The following PADI2 variants were observed in gnomAD, a reference collection of about 807,000 sequenced individuals.
PADI2 encodes the protein protein-arginine deiminase type-2.
In PADI2, 70 loss-of-function variants were observed where a neutral mutation model predicts 81.1. That is an observed-to-expected ratio of 0.86 (90% CI 0.71 to 1.05). The LOEUF (loss-of-function observed/expected upper bound fraction) is 1.05, where lower values mean the gene tolerates loss of function less well. Ranked by LOEUF, PADI2 falls within the 50% of genes least tolerant of loss-of-function variation. PADI2 has a pLI of 0.00. For synonymous variants in PADI2, 338 were observed against 358.0 expected, an observed-to-expected ratio of 0.94 and a Z score of 0.63; for missense variants, 853 against 889.9, an observed-to-expected ratio of 0.96 and a Z score of 0.53.
In PADI2 at chr1:17,070,125, T is replaced by A. The variant is rs2078254784; in HGVS notation, c.1727A>T (p.Asp576Val). 6.2e-7 allele frequency: 1 copy of A among 1,613,902 alleles called. No homozygotes were observed. Among genetic ancestry groups the A allele is most frequent in the Admixed American group, 1.7e-5 (1 of 59,984 alleles). The change falls in exon 15 of 16, where the codon GAC becomes GTC. Residue 576 changes from aspartate to valine, a missense_variant. Asp to Val is a radical substitution (Grantham distance 152, BLOSUM62 -3). Coordinates refer to ENST00000375486, the MANE Select transcript of PADI2 (RefSeq NM_007365.3). Reference sequence around the variant, plus strand: ...GAAGGCTCTGGCACGGTGGTCCTCGTCCATCTTGAACAGAGCGGGCAGGTC... The same window carrying A: ...GAAGGCTCTGGCACGGTGGTCCTCGACCATCTTGAACAGAGCGGGCAGGTC... ...IIDLPALFKMDEDHRARAFFP... is the reference protein window; with the variant it reads ...IIDLPALFKMVEDHRARAFFP...
intron 6 of PADI2, among the ~76,000 whole-genome samples, chr1:17,090,826 G>A (rs984756995): frequency 2.6e-4 from 39 of 152,002 alleles, no homozygotes; most frequent in African/African-American, 9.2e-4. Flanking sequence ...GATGAGGAGG[G>A]ATGAGATTAT....
intron 7 of PADI2, among the ~76,000 whole-genome samples, chr1:17,085,458 A>G (rs1335818840): frequency 1.3e-5 from 2 of 152,140 alleles, no homozygotes; most frequent in Non-Finnish European, 2.9e-5. Flanking sequence ...GGGTGCCATA[A>G]GAAGCCCCAT....
chr1:17,115,609 A>C lies in PADI2; in HGVS notation c.92+3671T>G, dbSNP rs890690084. Among the ~76,000 whole-genome samples, 1 of 152,202 alleles carries C rather than the reference A, an allele frequency of 6.6e-6. No homozygotes were observed. Among genetic ancestry groups the C allele is most frequent in the African/African-American group, 2.4e-5 (1 of 41,444 alleles). ...GGGAGTGTCCATGCCTCCAGGGCTC[A>C]CAAGAGGTGGGTGGCCAGGATGGAA... On this transcript the variant is annotated intron_variant, in intron 1 of 15. Transcript: ENST00000375486. The surrounding 1 kb of genome is among the most constrained non-coding windows in gnomAD (Gnocchi z 4.1).
intron 6 of PADI2, among the ~76,000 whole-genome samples, chr1:17,088,663 C>G (rs1419373170): frequency 1.3e-5 from 2 of 151,628 alleles, no homozygotes; most frequent in Non-Finnish European, 2.9e-5. Flanking sequence ...AATCCCAGCA[C>G]TTTGGGATGC....
chr1:17,071,391 C>T lies in PADI2; in HGVS notation c.1635+15G>A, dbSNP rs1186742554. The T allele has an allele frequency of 5.6e-6, 9 of 1,602,412 alleles. No individual in the cohort carries two copies. The highest frequency in any genetic ancestry group is 6.8e-6 in the Non-Finnish European group (8 of 1,169,628). Reference sequence around the variant, plus strand: ...CCAGGGGCCCTCTGGCCCTGCACCCCTGCCCTGCCCTCACCTGGAAGTACA... The same window carrying T: ...CCAGGGGCCCTCTGGCCCTGCACCCTTGCCCTGCCCTCACCTGGAAGTACA... On this transcript the variant is annotated intron_variant, in intron 14 of 15. Coordinates refer to ENST00000375486, the MANE Select transcript of PADI2 (RefSeq NM_007365.3).
At chr1:17,103,224 G>A (rs1931215856) in intron 2 of PADI2, among the ~76,000 whole-genome samples, 165 bp from the exon 3 acceptor site, 2 of 152,194 alleles carry the variant, frequency 1.3e-5, no homozygotes, top group African/African-American at 4.8e-5. Flanking sequence ...GTTGGTGGGC[G>A]GTTTCCCTCA....
intron 1 of PADI2, among the ~76,000 whole-genome samples, chr1:17,107,407 G>A (rs1299257387): frequency 6.6e-6 from 1 of 152,210 alleles, no homozygotes; most frequent in Non-Finnish European, 1.5e-5. Flanking sequence ...AGGGTTGAAT[G>A]ACAAGTGTAG....
chr1:17,082,049 G>A (rs577062708), intron 10 of PADI2, among the ~76,000 whole-genome samples: 12 of 152,136 alleles, frequency 7.9e-5, no homozygotes, highest in African/African-American at 2.9e-4. Context: ...GGAGATGGAA[G>A]TTGCAGTGAG....
At position 17,093,674 on chromosome 1, in the gene PADI2, G is replaced by C. The variant is rs1930793480; in HGVS notation, c.422C>G (p.Thr141Ser). Residue 141 changes from threonine to serine, a missense_variant, in exon 5 of 16, where the codon ACC becomes AGC. Thr to Ser is a moderately conservative substitution (Grantham distance 58). Coordinates refer to ENST00000375486, the MANE Select transcript of PADI2 (RefSeq NM_007365.3). ...EKNNPKKASW[T>S]WGPEGQGAIL... is the part of the protein sequence containing the mutation. The stretch of plus-strand genomic sequence containing the variant: ...GGCCCCCTGGCCCTCGGGGCCCCAG[G>C]TCCAGGATGCCTACAGTGGCAGGAA... 1 of 1,606,924 alleles carries C rather than the reference G, an allele frequency of 6.2e-7. No homozygotes were observed. Among genetic ancestry groups the C allele is most frequent in the African/African-American group, 1.3e-5 (1 of 74,776 alleles).
At chr1:17,111,717 T>G (rs1931587041) in intron 1 of PADI2, among the ~76,000 whole-genome samples, 1 of 152,192 alleles carries the variant, frequency 6.6e-6, no homozygotes, top group Non-Finnish European at 1.5e-5. Context: ...GGGTGGGACC[T>G]GAGAAACTGC....
At chr1:17,098,600 A>G (rs971018218) in intron 3 of PADI2, among the ~76,000 whole-genome samples, 2 of 152,194 alleles carry the variant, frequency 1.3e-5, no homozygotes, top group Non-Finnish European at 2.9e-5. Flanking sequence ...GATTTACTGA[A>G]TTCAGACAGG....
intron 2 of PADI2, among the ~76,000 whole-genome samples, chr1:17,103,669 A>T (rs141665601): frequency 6.6e-6 from 1 of 151,176 alleles, no homozygotes; most frequent in Admixed American, 6.6e-5. Context: ...CTAACCCCAC[A>T]ACATCCACAT....
In PADI2 at chr1:17,068,996, G is replaced by C. The variant is rs771864843; in HGVS notation, c.*48C>G. On this transcript the variant is annotated 3_prime_UTR_variant, in exon 16 of 16. Transcript: ENST00000375486. ...AGAAGGCTCTGGGCGTGTGAGGGAG[G>C]GTCTGGAGAACTAAGCGAAGGAGGC... The C allele has an allele frequency of 7.4e-6, 10 of 1,349,542 alleles. No homozygotes were observed. The highest frequency in any genetic ancestry group is 6.7e-5 in the Admixed American group (4 of 59,608). The allele number at this position is 1,349,542 out of a possible 1,614,324, so 83.6% of individuals were successfully genotyped here. A position where few individuals can be genotyped will look rare whatever the true frequency, so the allele number is the denominator to read the frequency against.
At chr1:17,109,981 C>T (rs74059125) in intron 1 of PADI2, among the ~76,000 whole-genome samples, 5 of 152,208 alleles carry the variant, frequency 3.3e-5, no homozygotes, top group East Asian at 1.9e-4. Context: ...AGAGGGTTAA[C>T]GCCCAGCCCA....
intron 10 of PADI2, among the ~76,000 whole-genome samples, chr1:17,080,441 G>A (rs1476217111): frequency 1.3e-5 from 2 of 152,204 alleles, no homozygotes; most frequent in East Asian, 1.9e-4. Context: ...CACCTTGAGC[G>A]CTAGAGTAAG....
At chr1:17,118,893 T>C (rs532866649) in intron 1 of PADI2, among the ~76,000 whole-genome samples, 149 of 151,236 alleles carry the variant, frequency 9.9e-4, no homozygotes, top group Non-Finnish European at 2.0e-3. Flanking sequence ...AGGGGCTGGG[T>C]TGAGGTGGGT....
chr1:17,079,292 G>A lies in PADI2; in HGVS notation c.1282C>T (p.Arg428Cys), dbSNP rs748738905. ...GGAAAGCTGCTCCCGATGAGGATGC[G>A]GCCAAGCGGGTATGTCTTGCCGTTC... ...TVNGKTYPLG[R>C]ILIGSSFPLS... The change falls in exon 11 of 16, where the codon CGC becomes TGC. Residue 428 changes from arginine to cysteine, a missense_variant. Coordinates refer to ENST00000375486, the MANE Select transcript of PADI2 (RefSeq NM_007365.3). 26 of 1,613,876 alleles carry A rather than the reference G, an allele frequency of 1.6e-5. No individual in the cohort carries two copies. The highest frequency in any genetic ancestry group is 5.0e-5 in the Admixed American group (3 of 59,984).
chr1:17,069,118 G>A lies in PADI2; in HGVS notation c.1924C>T (p.Leu642=), dbSNP rs769826061. ...TTGGTGCCACAGTGGACTTCCCCCA[G>A]AAATTTGTGGTAGGCAGAAATGTCG... ...IDDISAYHKF[L]GEVHCGTNVR... is the part of the protein sequence containing the mutation. The change falls in exon 16 of 16, where the codon CTG becomes TTG. Residue 642 remains leucine, a synonymous_variant. Coordinates refer to ENST00000375486, the MANE Select transcript of PADI2 (RefSeq NM_007365.3). The A allele has an allele frequency of 1.2e-6, 2 of 1,614,258 alleles. No individual in the cohort carries two copies. Among genetic ancestry groups the A allele is most frequent in the South Asian group, 2.2e-5 (2 of 91,090 alleles).
At chr1:17,070,040 C>T (rs767151183) in intron 15 of PADI2, 48 bp downstream of exon 15, 2 of 1,579,102 alleles carry the variant, frequency 1.3e-6, no homozygotes, top group Non-Finnish European at 1.7e-6. Context: ...CTGGATCTGG[C>T]TGCCCTGTAC....
Sources: allele counts gnomAD v4.1 joint callset (sites outside exome capture counted in the v4.1 genomes callset), GRCh38; gene constraint gnomAD v4.1.1; non-coding constraint Gnocchi (gnomAD v3.1); transcripts MANE v1.5; gene names NCBI Gene and HGNC (gene_info 2026-07-23, HGNC 2026-07-21).